LVRN: variants seen among roughly 807,000 people sequenced by gnomAD.
LVRN encodes the protein laeverin.
Under a neutral mutation model 111.4 loss-of-function variants are expected in LVRN, and 99 were observed. The observed-to-expected ratio is 0.89, with a 90% CI of 0.76 to 1.05. LVRN has a LOEUF of 1.05. LVRN is among the 50% of genes least tolerant of loss of function. The pLI, the probability that LVRN is intolerant of heterozygous loss-of-function variation, is 0.00. For missense variants in LVRN, 1,414 were observed against 1,206.8 expected (o/e 1.17, Z -2.54); for synonymous variants, 488 against 449.5 (o/e 1.09, Z -1.08).
Position 115,979,823 on chromosome 5 carries a change from C to T in LVRN, c.696-3464C>T, listed in dbSNP as rs117940218. ...CTAAGAGTTTTATTTAATACTTGACCGGCTATGCTATTCAGCACTTGTTAA... is the reference window on the plus strand; with the variant it reads ...CTAAGAGTTTTATTTAATACTTGACTGGCTATGCTATTCAGCACTTGTTAA... On this transcript the variant is annotated intron_variant, in intron 1 of 19. Coordinates refer to ENST00000357872, the MANE Select transcript of LVRN (RefSeq NM_173800.5). Among the ~76,000 whole-genome samples, 133 of 152,194 alleles carry T rather than the reference C, an allele frequency of 8.7e-4. 1 individual carries two copies. In the East Asian group the frequency reaches 0.016, roughly 18 times the overall value.
At chr5:115,999,618 G>A (rs1748194231) in intron 6 of LVRN, 144 bp from the exon 7 acceptor site, 1 of 770,060 alleles carries the variant, frequency 1.3e-6, no homozygotes, top group Admixed American at 3.2e-5. Context: ...GACTTTATTT[G>A]GCATATTTCA....
intron 1 of LVRN, among the ~76,000 whole-genome samples, chr5:115,980,939 A>G (rs1411590276): frequency 6.6e-6 from 1 of 152,104 alleles, no homozygotes; most frequent in Admixed American, 6.6e-5. Context: ...TCTCTCTTAG[A>G]ATCACAGTTT....
Position 115,962,914 on chromosome 5 carries a change from G to T in LVRN, c.297G>T (p.Pro99=), listed in dbSNP as rs749093484. Residue 99 remains proline (P), a synonymous_variant, in exon 1 of 20, where the codon CCG becomes CCT. Coordinates refer to ENST00000357872, the MANE Select transcript of LVRN (RefSeq NM_173800.5). ...GGCCCTGGGACCAGCTACGCCTGCCGCCCTGGCTCGTGCCGCTGCACTACG... is the reference window on the plus strand; with the variant it reads ...GGCCCTGGGACCAGCTACGCCTGCCTCCCTGGCTCGTGCCGCTGCACTACG... ...PPGPWDQLRL[P]PWLVPLHYDL... is the part of the protein sequence containing the mutation. 1.2e-6 allele frequency: 2 copies of T among 1,612,832 alleles called. No homozygotes were observed. The highest frequency in any genetic ancestry group is 2.2e-5 in the East Asian group (1 of 44,870).
At chr5:115,985,450 T>C (rs1747837346) in intron 3 of LVRN, among the ~76,000 whole-genome samples, 1 of 152,134 alleles carries the variant, frequency 6.6e-6, no homozygotes, top group Non-Finnish European at 1.5e-5. Context: ...AATTTGTAGT[T>C]GGCCACATCA....
At position 115,962,804 on chromosome 5, in the gene LVRN, A is replaced by C. The variant is rs1363348735; in HGVS notation, c.187A>C (p.Arg63=). 6.2e-7 allele frequency: 1 copy of C among 1,611,372 alleles called. No homozygotes were observed. Among genetic ancestry groups the C allele is most frequent in the Admixed American group, 1.7e-5 (1 of 59,916 alleles). The part of the protein sequence containing the change: ...DLEAESSPPL[R]QKPTPTPKPS... ...GGAAGCCGAGTCTTCCCCTCCCCTC[A>C]GGCAGAAGCCGACGCCAACCCCGAA... The change falls in exon 1 of 20, where the codon AGG becomes CGG. Residue 63 remains arginine (R), a synonymous_variant. Transcript: ENST00000357872.
At chr5:116,005,381 A>G (rs1165923540) in intron 12 of LVRN, among the ~76,000 whole-genome samples, 1 of 152,234 alleles carries the variant, frequency 6.6e-6, no homozygotes, top group Non-Finnish European at 1.5e-5. Flanking sequence ...CTAAAGAATC[A>G]CACTGGCAAT....
At position 115,997,865 on chromosome 5, in the gene LVRN, A is replaced by T. The variant is rs149428645; in HGVS notation, c.1375-1897A>T. ...GCTACAGACAGCATCACTTTATGGG[A>T]GGCCCAGAATAGAAAGACCTCTAGG... On this transcript the variant is annotated intron_variant, in intron 6 of 19. Transcript: ENST00000357872. Among the ~76,000 whole-genome samples the T allele has an allele frequency of 2.9e-3, 437 of 152,284 alleles. 5 individuals are homozygous for T. Among genetic ancestry groups the T allele is most frequent in the Middle Eastern group, 0.01 (3 of 294 alleles).
intron 13 of LVRN, among the ~76,000 whole-genome samples, chr5:116,008,311 T>A (rs1344996128): frequency 6.6e-6 from 1 of 152,116 alleles, no homozygotes; most frequent in African/African-American, 2.4e-5. Context: ...GCCGCTGCAC[T>A]CCAGCCTGGG....
intron 6 of LVRN, among the ~76,000 whole-genome samples, chr5:115,994,187 G>T (rs1748056641): frequency 6.6e-6 from 1 of 151,800 alleles, no homozygotes; most frequent in Non-Finnish European, 1.5e-5. Context: ...GATTTTAAAT[G>T]ACTGCCTAAG....
chr5:115,997,432 G>A (rs76811923), intron 6 of LVRN, among the ~76,000 whole-genome samples: 1,936 of 152,300 alleles, frequency 0.013, 91 homozygotes, highest in East Asian at 0.081. Flanking sequence ...GGGAGGCCAA[G>A]GTGGGAGAAT....
At chr5:115,968,295 C>T (rs1468250890) in intron 1 of LVRN, among the ~76,000 whole-genome samples, 1 of 152,034 alleles carries the variant, frequency 6.6e-6, no homozygotes, top group Non-Finnish European at 1.5e-5. Context: ...GTTTCTTTTG[C>T]ATGAATGCAT....
At chr5:115,966,258 A>G (rs1437739490) in intron 1 of LVRN, among the ~76,000 whole-genome samples, 1 of 152,098 alleles carries the variant, frequency 6.6e-6, no homozygotes, top group Admixed American at 6.6e-5. Flanking sequence ...ACAACCACTA[A>G]TCCGTTCCAT....
intron 6 of LVRN, among the ~76,000 whole-genome samples, chr5:115,997,611 C>A (rs968884797): frequency 6.6e-6 from 1 of 151,792 alleles, no homozygotes; most frequent in South Asian, 2.1e-4. Flanking sequence ...CTGCGGCGAG[C>A]TATGACCACA....
At chr5:116,020,231 C>T (rs1295192581) in intron 18 of LVRN, 3 of 152,152 alleles carry the variant, frequency 2.0e-5, no homozygotes, top group Non-Finnish European at 4.4e-5. Context: ...ATGAGAAAGA[C>T]TCCATTGGTC....
chr5:115,983,406 C>A lies in LVRN; in HGVS notation c.815C>A (p.Ala272Asp). The change falls in exon 2 of 20, where the codon GCC becomes GAC. Residue 272 changes from alanine (A) to aspartate (D), a missense_variant. Physicochemically the swap from Ala to Asp is moderately radical, Grantham distance 126. Transcript: ENST00000357872. ...ITMIHHPSYV[A>D]LSNMPKLGQS... The stretch of plus-strand genomic sequence containing the variant: ...ATGATTCATCATCCAAGTTATGTGG[C>A]CCTTTCCAACATGCCAAAGCTAGGT... 6.2e-7 allele frequency: 1 copy of A among 1,605,278 alleles called. No individual in the cohort carries two copies. Among genetic ancestry groups the A allele is most frequent in the Non-Finnish European group, 8.5e-7 (1 of 1,177,416 alleles).
At chr5:115,987,149 T>C (rs1747887740) in intron 3 of LVRN, among the ~76,000 whole-genome samples, 1 of 152,136 alleles carries the variant, frequency 6.6e-6, no homozygotes, top group South Asian at 2.1e-4. Flanking sequence ...AACAATAGTG[T>C]GGTCACACAA....
At chr5:116,022,532 T>A in intron 19 of LVRN, 66 bp downstream of exon 19, 1 of 1,074,674 alleles carries the variant, frequency 9.3e-7, no homozygotes, top group Non-Finnish European at 1.4e-6. Flanking sequence ...CAATTTGGAC[T>A]TGCTAAAATT....
At chr5:116,025,192 C>G (rs187979258) in intron 19 of LVRN, among the ~76,000 whole-genome samples, 32 of 152,188 alleles carry the variant, frequency 2.1e-4, no homozygotes, top group African/African-American at 7.7e-4. Flanking sequence ...GTTCCTGGCT[C>G]TTTAACTTAC....
chr5:115,966,117 T>C (rs1348102117), intron 1 of LVRN, among the ~76,000 whole-genome samples: 1 of 152,188 alleles, frequency 6.6e-6, no homozygotes, highest in Non-Finnish European at 1.5e-5. Context: ...TGTCTTTGTG[T>C]CATTTATCAT....
Sources: allele counts gnomAD v4.1 joint callset (sites outside exome capture counted in the v4.1 genomes callset), GRCh38; gene constraint gnomAD v4.1.1; transcripts MANE v1.5; gene names NCBI Gene and HGNC (gene_info 2026-07-23, HGNC 2026-07-21).